The following C1orf21 variants were observed in gnomAD, a reference collection of about 807,000 sequenced individuals.
The protein encoded by C1orf21 is uncharacterized protein C1orf21.
A neutral mutation model predicts 18.7 loss-of-function variants in C1orf21; 3 were observed. The ratio of observed to expected loss-of-function variants is 0.16; its 90% CI spans 0.07 to 0.42. The LOEUF is 0.42. Among genes scored for constraint, C1orf21 ranks in the 10% least tolerant of loss-of-function variants. C1orf21 has a pLI of 0.99. For synonymous variants in C1orf21, 41 were observed against 46.4 expected, an observed-to-expected ratio of 0.88 and a Z score of 0.47; for missense variants, 104 against 143.6, an observed-to-expected ratio of 0.72 and a Z score of 1.41.
At chr1:184,396,929 A>G (rs539756088) in intron 1 of C1orf21, among the ~76,000 whole-genome samples, 9 of 152,350 alleles carry the variant, frequency 5.9e-5, no homozygotes, top group East Asian at 1.9e-4. Flanking sequence ...GGGGCCCAGC[A>G]CATATTTGTT....
intron 3 of C1orf21, among the ~76,000 whole-genome samples, chr1:184,519,049 A>G (rs1276330424): frequency 6.6e-6 from 1 of 152,112 alleles, no homozygotes; most frequent in East Asian, 1.9e-4. Flanking sequence ...TCAGCACATT[A>G]ATTTTTGGTT....
At chr1:184,474,888 G>A (rs1039107656) in intron 1 of C1orf21, among the ~76,000 whole-genome samples, 6 of 152,138 alleles carry the variant, frequency 3.9e-5, no homozygotes, top group Admixed American at 6.5e-5. Flanking sequence ...GTTACCTTAC[G>A]TGATAATGCT....
chr1:184,588,240 G>C (rs928297411), intron 3 of C1orf21, among the ~76,000 whole-genome samples: 5 of 152,176 alleles, frequency 3.3e-5, no homozygotes, highest in Admixed American at 3.3e-4. Context: ...ATAACTGACA[G>C]TATCTCTTGC....
At position 184,622,140 on chromosome 1, in the gene C1orf21, C is replaced by G. The variant is rs1329236098; in HGVS notation, c.*2584C>G. 6.6e-6 allele frequency: 1 copy of G among 152,054 alleles called. No homozygotes were observed. The highest frequency in any genetic ancestry group is 1.5e-5 in the Non-Finnish European group (1 of 68,018). The allele number at this position is 152,054 out of a possible 1,614,324, so 9.4% of individuals were successfully genotyped here. On this transcript the variant is annotated 3_prime_UTR_variant, in exon 6 of 6. Transcript: ENST00000235307. ...AACATTAAGCAGATTGGCTCAGACACAATGAAAAGGATAATCCAATGTACG... is the reference window on the plus strand; with the variant it reads ...AACATTAAGCAGATTGGCTCAGACAGAATGAAAAGGATAATCCAATGTACG...
intron 3 of C1orf21, among the ~76,000 whole-genome samples, chr1:184,539,676 T>C (rs1046784920): frequency 6.6e-6 from 1 of 152,154 alleles, no homozygotes; most frequent in Non-Finnish European, 1.5e-5. Flanking sequence ...TCCTGCAAAG[T>C]TTCTTTATAT....
chr1:184,561,309 A>G (rs995474379), intron 3 of C1orf21, among the ~76,000 whole-genome samples: 1 of 152,188 alleles, frequency 6.6e-6, no homozygotes, highest in African/African-American at 2.4e-5. Flanking sequence ...GGGTGGAGCC[A>G]GGGAAGGATA....
intron 5 of C1orf21, among the ~76,000 whole-genome samples, chr1:184,616,703 CGTGT>C (rs1659830071): frequency 7.4e-6 from 1 of 134,812 alleles, no homozygotes; most frequent in South Asian, 2.4e-4. Context: ...TGTGTGCACA[CGTGT>C]GTATGTGTGT....
At chr1:184,533,979 G>A (rs1658509426) in intron 3 of C1orf21, among the ~76,000 whole-genome samples, 1 of 152,228 alleles carries the variant, frequency 6.6e-6, no homozygotes, top group South Asian at 2.1e-4. Flanking sequence ...GAATGGTTCT[G>A]ATTCGACCCA....
At chr1:184,590,661 G>A in intron 3 of C1orf21, 78 bp from the exon 4 acceptor site, 1 of 1,402,906 alleles carries the variant, frequency 7.1e-7, no homozygotes, top group Non-Finnish European at 1.0e-6. Flanking sequence ...TTGAACGTTT[G>A]TGTGATGAAA....
chr1:184,494,845 C>CT (rs569758976), intron 2 of C1orf21, among the ~76,000 whole-genome samples: 35,773 of 142,714 alleles, frequency 0.25, 4,568 homozygotes, highest in African/African-American at 0.34. Flanking sequence ...TTTGCTTTTG[C>CT]TTTTTTTTTT....
chr1:184,465,997 C>T (rs1317557303), intron 1 of C1orf21, among the ~76,000 whole-genome samples: 1 of 151,994 alleles, frequency 6.6e-6, no homozygotes, highest in African/African-American at 2.4e-5. Flanking sequence ...TTGTCTAGTT[C>T]TGAGCTTGTC....
chr1:184,557,163 C>T (rs1024266768), intron 3 of C1orf21, among the ~76,000 whole-genome samples: 2 of 152,118 alleles, frequency 1.3e-5, no homozygotes, highest in African/African-American at 4.8e-5. Flanking sequence ...TCATTAATGT[C>T]AATGTGGGGG....
intron 3 of C1orf21, among the ~76,000 whole-genome samples, chr1:184,520,392 A>T (rs1012654152): frequency 6.6e-6 from 1 of 152,234 alleles, no homozygotes; most frequent in Non-Finnish European, 1.5e-5. Context: ...AATATGAGGT[A>T]GGGCTTGGTC....
At chr1:184,434,772 C>T (rs1296926742) in intron 1 of C1orf21, among the ~76,000 whole-genome samples, 1 of 152,186 alleles carries the variant, frequency 6.6e-6, no homozygotes, top group African/African-American at 2.4e-5. Context: ...GTCTAAGAAA[C>T]AGAGCTAAGA....
At chr1:184,392,758 T>A (rs1247169599) in intron 1 of C1orf21, among the ~76,000 whole-genome samples, 1 of 151,694 alleles carries the variant, frequency 6.6e-6, no homozygotes. Flanking sequence ...ATCTATCACT[T>A]CCTTTCTGAA....
intron 1 of C1orf21, among the ~76,000 whole-genome samples, chr1:184,467,764 T>C (rs1485569445): frequency 6.6e-6 from 1 of 152,198 alleles, no homozygotes; most frequent in Non-Finnish European, 1.5e-5. Flanking sequence ...GTAATGACAA[T>C]AGCTATCTCT....
chr1:184,549,109 T>C (rs1346885388), intron 3 of C1orf21, among the ~76,000 whole-genome samples: 1 of 152,154 alleles, frequency 6.6e-6, no homozygotes, highest in Non-Finnish European at 1.5e-5. Context: ...GAGGAGTACA[T>C]GGCACAAAAA....
At chr1:184,592,946 C>G (rs572630541) in intron 4 of C1orf21, among the ~76,000 whole-genome samples, 2 of 152,302 alleles carry the variant, frequency 1.3e-5, no homozygotes, top group Admixed American at 1.3e-4. Flanking sequence ...TGTTTTCACC[C>G]TCAGGTGAAT....
chr1:184,459,385 T>A (rs1262452313), intron 1 of C1orf21, among the ~76,000 whole-genome samples: 1 of 152,184 alleles, frequency 6.6e-6, no homozygotes, highest in Non-Finnish European at 1.5e-5. Flanking sequence ...CCAGGAGGAA[T>A]TGATGCCAGT....
Sources: allele counts gnomAD v4.1 joint callset (sites outside exome capture counted in the v4.1 genomes callset), GRCh38; gene constraint gnomAD v4.1.1; transcripts MANE v1.5; gene names NCBI Gene and HGNC (gene_info 2026-07-23, HGNC 2026-07-21).